The following COG5 variants were observed in gnomAD, a reference collection of about 807,000 sequenced individuals.
The protein encoded by COG5 is component of oligomeric golgi complex 5.
A neutral mutation model predicts 110.4 loss-of-function variants in COG5; 86 were observed. The ratio of observed to expected loss-of-function variants is 0.78; its 90% CI spans 0.65 to 0.93. The LOEUF is 0.93. Among genes scored for constraint, COG5 ranks in the 40% least tolerant of loss-of-function variants. The pLI is 0.00. For missense variants in COG5, 1,077 were observed against 987.0 expected, an observed-to-expected ratio of 1.09 and a Z score of -1.22; for synonymous variants, 360 against 334.6, an observed-to-expected ratio of 1.08 and a Z score of -0.83.
At chr7:107,213,841 A>G (rs1799334847) in intron 19 of COG5, among the ~76,000 whole-genome samples, 1 of 152,206 alleles carries the variant, frequency 6.6e-6, no homozygotes, top group Admixed American at 6.5e-5. Context: ...ACATCAATAC[A>G]AGGACATGAA....
At chr7:107,330,105 C>G (rs1402721692) in intron 10 of COG5, among the ~76,000 whole-genome samples, 2 of 152,152 alleles carry the variant, frequency 1.3e-5, no homozygotes, top group Non-Finnish European at 2.9e-5. Context: ...GGATATTTGA[C>G]AATGATCTAT....
chr7:107,232,672 A>AT (rs537232548), intron 18 of COG5, among the ~76,000 whole-genome samples: 1 of 152,330 alleles, frequency 6.6e-6, no homozygotes, highest in South Asian at 2.1e-4. Flanking sequence ...TTAAAATAAA[A>AT]TTTTTTTATC....
intron 2 of COG5, among the ~76,000 whole-genome samples, chr7:107,555,583 T>C (rs1218158596): frequency 1.3e-5 from 2 of 152,246 alleles, no homozygotes; most frequent in Non-Finnish European, 2.9e-5. Flanking sequence ...TTAACAAGAC[T>C]AACTTTTTAA....
chr7:107,455,579 G>A (rs1349567485), intron 6 of COG5, among the ~76,000 whole-genome samples: 2 of 152,088 alleles, frequency 1.3e-5, no homozygotes, highest in African/African-American at 4.8e-5. Context: ...AGCCCACAAA[G>A]CCTAAAATAT....
At chr7:107,414,703 C>CTTTTTTTTTTTTTTTTTTTT (rs530323655) in intron 6 of COG5, among the ~76,000 whole-genome samples, 2 of 61,716 alleles carry the variant, frequency 3.2e-5, no homozygotes, top group Non-Finnish European at 7.6e-5. Context: ...CTCACTGTCC[C>CTTTTTTTTTTTTTTTTTTTT]TTTTTTTTTT....
intron 10 of COG5, among the ~76,000 whole-genome samples, chr7:107,355,825 T>TA (rs1355139704): frequency 1.3e-5 from 2 of 152,226 alleles, no homozygotes; most frequent in Admixed American, 6.5e-5. Context: ...GTGAAACTAG[T>TA]AAAACCATTC....
intron 6 of COG5, among the ~76,000 whole-genome samples, chr7:107,449,618 G>C (rs531020655): frequency 1.3e-5 from 2 of 152,260 alleles, no homozygotes; most frequent in South Asian, 4.2e-4. Flanking sequence ...CCCATATGAA[G>C]TGCCCTTAGT....
chr7:107,266,161 A>G (rs550712289), intron 14 of COG5, among the ~76,000 whole-genome samples: 1 of 152,282 alleles, frequency 6.6e-6, no homozygotes, highest in South Asian at 2.1e-4. Context: ...TATGTTTTTG[A>G]AAATGTATAA....
chr7:107,219,841 C>A (rs931816722), intron 19 of COG5, among the ~76,000 whole-genome samples: 17 of 152,132 alleles, frequency 1.1e-4, no homozygotes, highest in Non-Finnish European at 2.1e-4. Context: ...ATGTTCTTAT[C>A]ATTAAAAATG....
intron 11 of COG5, among the ~76,000 whole-genome samples, chr7:107,318,714 C>T (rs1808982037): frequency 6.6e-6 from 1 of 152,078 alleles, no homozygotes; most frequent in Non-Finnish European, 1.5e-5. Context: ...AGTAAGCTCT[C>T]TCGCGTCACT....
chr7:107,496,856 G>C (rs1798310474), intron 6 of COG5, among the ~76,000 whole-genome samples: 1 of 151,942 alleles, frequency 6.6e-6, no homozygotes, highest in African/African-American at 2.4e-5. Context: ...CATATATGAA[G>C]AACACACAGC....
chr7:107,258,554 A>G (rs1803069488), intron 14 of COG5, 171 bp from the exon 15 acceptor site: 1 of 629,426 alleles, frequency 1.6e-6, no homozygotes, highest in South Asian at 1.8e-5. Flanking sequence ...GTCAACTTAA[A>G]GCTTTGGACT....
intron 7 of COG5, among the ~76,000 whole-genome samples, chr7:107,378,719 TAGAGG>T (rs1814841906): frequency 6.6e-6 from 1 of 151,844 alleles, no homozygotes; most frequent in East Asian, 1.9e-4. Flanking sequence ...AAGACAAGAT[TAGAGG>T]AAAGAGTGAA....
intron 16 of COG5, among the ~76,000 whole-genome samples, chr7:107,256,353 C>G (rs530168843): frequency 1.4e-4 from 22 of 152,170 alleles, no homozygotes; most frequent in Non-Finnish European, 2.9e-4. Flanking sequence ...GCATCTCTAC[C>G]ATGTCATGAC....
intron 16 of COG5, among the ~76,000 whole-genome samples, chr7:107,253,470 T>C (rs1425684699): frequency 3.3e-5 from 5 of 152,210 alleles, no homozygotes; most frequent in Non-Finnish European, 2.9e-5. Flanking sequence ...GAAAGAAGCA[T>C]TGCCATATAT....
At chr7:107,315,691 G>A (rs1429707416) in intron 11 of COG5, among the ~76,000 whole-genome samples, 1 of 151,758 alleles carries the variant, frequency 6.6e-6, no homozygotes, top group Non-Finnish European at 1.5e-5. Context: ...TACATTGTGT[G>A]TAATCCTCAA....
intron 7 of COG5, among the ~76,000 whole-genome samples, chr7:107,382,232 T>C (rs1815187973): frequency 6.6e-6 from 1 of 152,120 alleles, no homozygotes; most frequent in Admixed American, 6.5e-5. Flanking sequence ...TCTTGGGACC[T>C]TAAGAGGAGA....
chr7:107,416,928 G>C (rs4730242), intron 6 of COG5, among the ~76,000 whole-genome samples: 23,167 of 152,182 alleles, frequency 0.15, 2,229 homozygotes, highest in Non-Finnish European at 0.21. Flanking sequence ...ATATTAAAAA[G>C]AGGGGAAATT....
chr7:107,202,738 T>C lies in COG5; in HGVS notation c.*778A>G, dbSNP rs1031724777. The C allele has an allele frequency of 1.3e-5, 2 of 152,232 alleles. No individual in the cohort carries two copies. Among genetic ancestry groups the C allele is most frequent in the Admixed American group, 6.5e-5 (1 of 15,288 alleles). 9.4% of individuals were successfully genotyped at this position (152,232 alleles called of 1,614,324 possible). A position where few individuals can be genotyped will look rare whatever the true frequency, so the allele number is the denominator to read the frequency against. ...GAAAATAAGGACTTAGATTATCTAC[T>C]ATTTATAGAGAATTGCTATACAATA... On this transcript the variant is annotated 3_prime_UTR_variant, in exon 22 of 22. Transcript: ENST00000297135.
Sources: allele counts gnomAD v4.1 joint callset (sites outside exome capture counted in the v4.1 genomes callset), GRCh38; gene constraint gnomAD v4.1.1; transcripts MANE v1.5; gene names NCBI Gene and HGNC (gene_info 2026-07-23, HGNC 2026-07-21).